The following PRSS16 variants were observed in gnomAD, a reference collection of about 807,000 sequenced individuals.
PRSS16 encodes the protein thymus-specific serine protease.
A neutral mutation model predicts 61.7 loss-of-function variants in PRSS16; 43 were observed. The observed-to-expected ratio is 0.70, with a 90% confidence interval of 0.55 to 0.90. PRSS16 has a LOEUF of 0.90. PRSS16 is among the 40% of genes least tolerant of loss of function. The probability of loss-of-function intolerance (pLI) is 0.00; values close to 1 mark genes in which losing one functional copy is unlikely to be tolerated. For synonymous variants in PRSS16, 273 were observed against 285.2 expected, an observed-to-expected ratio of 0.96 and a Z score of 0.43; for missense variants, 591 against 659.1, an observed-to-expected ratio of 0.90 and a Z score of 1.13.
chr6:27,254,519 CT>C lies in PRSS16; in HGVS notation c.1151-173del, dbSNP rs1381987224. 41 of 641,352 alleles carry C rather than the reference CT, an allele frequency of 6.4e-5. No individual in the cohort carries two copies. The East Asian group carries it at 1.1e-3, about 17-fold the overall frequency. 39.7% of individuals were successfully genotyped at this position (641,352 alleles called of 1,614,324 possible). On this transcript the variant is annotated intron_variant, in intron 9 of 11. Transcript: ENST00000230582. ...CCTTTTTCCATCACAGCCCTGATCACTGTGGGCTATCACTGTCAGGGGACTG... is the reference window on the plus strand; with the variant it reads ...CCTTTTTCCATCACAGCCCTGATCACGTGGGCTATCACTGTCAGGGGACTG...
In PRSS16 at chr6:27,251,157, G is replaced by A. The variant is rs780158403; in HGVS notation, c.669+38G>A. 9.9e-6 allele frequency: 16 copies of A among 1,613,854 alleles called. No homozygotes were observed. The African/African-American group carries it at 1.5e-4, about 15-fold the overall frequency. ...GGCAGCAGGTGCGGGACGGGGAGGG[G>A]TCCCAGCGGGCGGAGTCCCTTGACA... On this transcript the variant is annotated intron_variant, in intron 6 of 11. Coordinates refer to ENST00000230582, the MANE Select transcript of PRSS16 (RefSeq NM_005865.4). The surrounding 1 kb of genome is among the most constrained non-coding windows in gnomAD (Gnocchi z 5.6).
In PRSS16 at chr6:27,255,546, T is replaced by C; in HGVS notation, c.*231T>C. On this transcript the variant is annotated 3_prime_UTR_variant, in exon 12 of 12. Transcript: ENST00000230582. This position sits in a 1 kb window ranked among gnomAD's most constrained non-coding sequence, Gnocchi z 4.4. Reference sequence around the variant, plus strand: ...TGGATGATTATTCTCATTGTAAATATTGGTATTTTGAATGTTAAATGTCAA... The same window carrying C: ...TGGATGATTATTCTCATTGTAAATACTGGTATTTTGAATGTTAAATGTCAA... The C allele has an allele frequency of 2.1e-6, 1 of 485,098 alleles. No homozygotes were observed. The highest frequency in any genetic ancestry group is 2.6e-5 in the South Asian group (1 of 39,164). The allele number at this position is 485,098 out of a possible 1,614,324, so 30.0% of individuals were successfully genotyped here. A position where few individuals can be genotyped will look rare whatever the true frequency, so the allele number is the denominator to read the frequency against.
In PRSS16 at chr6:27,255,820, CTG is replaced by C. The variant is rs1292531321; in HGVS notation, c.*509_*510del. 6.4e-6 allele frequency: 1 copy of C among 155,554 alleles called. No homozygotes were observed. Among genetic ancestry groups the C allele is most frequent in the Non-Finnish European group, 1.4e-5 (1 of 70,362 alleles). The allele number at this position is 155,554 out of a possible 1,614,324, so 9.6% of individuals were successfully genotyped here. ...TCTCTGAATATCTTCATTTCTATCTCTGTGTTTCTGTCTATTTCTCTGTTTAT... is the reference window on the plus strand; with the variant it reads ...TCTCTGAATATCTTCATTTCTATCTCTGTTTCTGTCTATTTCTCTGTTTAT... On this transcript the variant is annotated 3_prime_UTR_variant, in exon 12 of 12. Coordinates refer to ENST00000230582, the MANE Select transcript of PRSS16 (RefSeq NM_005865.4). The surrounding 1 kb of genome is among the most constrained non-coding windows in gnomAD (Gnocchi z 4.4).
chr6:27,251,085 T>C lies in PRSS16; in HGVS notation c.635T>C (p.Val212Ala). The C allele has an allele frequency of 6.2e-7, 1 of 1,614,034 alleles. No homozygotes were observed. The highest frequency in any genetic ancestry group is 8.5e-7 in the Non-Finnish European group (1 of 1,180,030). Residue 212 changes from valine (V) to alanine (A), a missense_variant, in exon 6 of 12, where the codon GTG (valine) becomes GCG (alanine). Physicochemically the swap from Val to Ala is moderately conservative, Grantham distance 64 (BLOSUM62 0). Transcript: ENST00000230582. The surrounding 1 kb of genome is among the most constrained non-coding windows in gnomAD (Gnocchi z 5.6). ...IFASVASSAP[V>A]RAVLDFSEYN... ...GCGTCGGTCGCCTCCTCCGCCCCGG[T>C]GCGGGCCGTGCTGGATTTCTCCGAG...
chr6:27,253,016 A>G, intron 9 of PRSS16, 67 bp downstream of exon 9: 9 of 1,604,512 alleles, frequency 5.6e-6, no homozygotes, highest in Non-Finnish European at 7.7e-6. Context: ...CAGAGAAGTC[A>G]TCTTACAGGT....
Position 27,254,830 on chromosome 6 carries a change from G to A in PRSS16, c.1288G>A (p.Gly430Ser), listed in dbSNP as rs1037261619. ...TGTGGCTCAGACGAACTCCTACTAC[G>A]GTGGCCAGACCCCTGGGGCTAACAA... is the stretch of plus-strand genomic sequence containing the variant. ...QAVAQTNSYY[G>S]GQTPGANKVL... is the part of the protein sequence containing the mutation. Residue 430 changes from glycine (G) to serine (S), a missense_variant, in exon 10 of 12, where the codon GGT becomes AGT. Physicochemically the swap from Gly to Ser is moderately conservative, Grantham distance 56. Coordinates refer to ENST00000230582, the MANE Select transcript of PRSS16 (RefSeq NM_005865.4). 2.1e-5 allele frequency: 34 copies of A among 1,614,026 alleles called. No individual in the cohort carries two copies. Among genetic ancestry groups the A allele is most frequent in the African/African-American group, 1.5e-4 (11 of 74,904 alleles).
Position 27,251,022 on chromosome 6 carries a change from G to T in PRSS16, c.592-20G>T, listed in dbSNP as rs1371851562. On this transcript the variant is annotated intron_variant, in intron 5 of 11. Transcript: ENST00000230582. The surrounding 1 kb of genome is among the most constrained non-coding windows in gnomAD (Gnocchi z 5.6). The stretch of plus-strand genomic sequence containing the variant: ...ATTCCAACCCCTCAGCCCGCAGGCT[G>T]ACGGCGTCTCCTCCCTTAGTTCCCC... 1.2e-6 allele frequency: 2 copies of T among 1,613,152 alleles called. No homozygotes were observed. The highest frequency in any genetic ancestry group is 8.5e-7 in the Non-Finnish European group (1 of 1,179,926).
In PRSS16 at chr6:27,251,389, G is replaced by A. The variant is rs906001346; in HGVS notation, c.717+125G>A. The A allele has an allele frequency of 8.9e-6, 11 of 1,236,098 alleles. No homozygotes were observed. The African/African-American group carries it at 1.4e-4, about 15-fold the overall frequency. 76.6% of individuals were successfully genotyped at this position (1,236,098 alleles called of 1,614,324 possible). A position where few individuals can be genotyped will look rare whatever the true frequency, so the allele number is the denominator to read the frequency against. On this transcript the variant is annotated intron_variant, in intron 7 of 11. Transcript: ENST00000230582. The surrounding 1 kb of genome is among the most constrained non-coding windows in gnomAD (Gnocchi z 5.6). ...GGGGTCTAAGGAAGGTCGGAGCTCG[G>A]GGGAATACGCAGGTTTTGGAAGAAG...
In PRSS16 at chr6:27,256,261, T is replaced by C. The variant is rs923229618; in HGVS notation, c.*946T>C. 1 of 152,746 alleles carries C rather than the reference T, an allele frequency of 6.5e-6. No individual in the cohort carries two copies. Among genetic ancestry groups the C allele is most frequent in the South Asian group, 2.1e-4 (1 of 4,834 alleles). The allele number at this position is 152,746 out of a possible 1,614,324, so 9.5% of individuals were successfully genotyped here. On this transcript the variant is annotated 3_prime_UTR_variant, in exon 12 of 12. Coordinates refer to ENST00000230582, the MANE Select transcript of PRSS16 (RefSeq NM_005865.4). The stretch of plus-strand genomic sequence containing the variant: ...TTTCCCACAATCAAATATCACTCCC[T>C]GGTACTTCCAGCTTCCAACTCTAGG...
At position 27,255,842 on chromosome 6, in the gene PRSS16, GT is replaced by G. The variant is rs1050782111; in HGVS notation, c.*530del. The G allele has an allele frequency of 6.5e-6, 1 of 153,636 alleles. No individual in the cohort carries two copies. Among genetic ancestry groups the G allele is most frequent in the African/African-American group, 2.4e-5 (1 of 41,314 alleles). 9.5% of individuals were successfully genotyped at this position (153,636 alleles called of 1,614,324 possible). On this transcript the variant is annotated 3_prime_UTR_variant, in exon 12 of 12. Transcript: ENST00000230582. This position sits in a 1 kb window ranked among gnomAD's most constrained non-coding sequence, Gnocchi z 4.4. ...TCTCTGTGTTTCTGTCTATTTCTCT[GT>G]TTATCTTTCTGTCCTTCAATCTGTG...
At chr6:27,254,655 G>C (rs375605785) in intron 9 of PRSS16, 38 bp from the exon 10 acceptor site, 1 of 1,529,732 alleles carries the variant, frequency 6.5e-7, no homozygotes, top group Admixed American at 1.7e-5. Flanking sequence ...GTGGTGGGCT[G>C]CCTGTATACC....
rs530722681 is a variant in PRSS16 at position 27,248,951 on chromosome 6, G to A, written c.337+5G>A. On this transcript the variant is annotated splice_donor_5th_base_variant and intron_variant, in intron 3 of 11. Transcript: ENST00000230582. ...GGCCTGGCTCAGTGATGAGAGGTAA[G>A]AGGCAATGTTGGGGGAAAGGAGTTG... 6.2e-7 allele frequency: 1 copy of A among 1,602,254 alleles called. No homozygotes were observed. Among genetic ancestry groups the A allele is most frequent in the Admixed American group, 1.7e-5 (1 of 58,880 alleles).
In PRSS16 at chr6:27,251,201, T is replaced by G. The variant is rs1270411616; in HGVS notation, c.670-16T>G. The G allele has an allele frequency of 6.8e-6, 11 of 1,613,264 alleles. No individual in the cohort carries two copies. The highest frequency in any genetic ancestry group is 1.7e-5 in the Admixed American group (1 of 59,954). ...CTTGACACTTCCGGATACCTTCCTC[T>G]GCGGTCCGCCCACAGGTGGTATCCC... On this transcript the variant is annotated splice_polypyrimidine_tract_variant and intron_variant, in intron 6 of 11. Transcript: ENST00000230582. This position sits in a 1 kb window ranked among gnomAD's most constrained non-coding sequence, Gnocchi z 5.6.
In PRSS16 at chr6:27,251,946, C is replaced by T. The variant is rs1330907157; in HGVS notation, c.914C>T (p.Pro305Leu). 4 of 1,609,888 alleles carry T rather than the reference C, an allele frequency of 2.5e-6. No individual in the cohort carries two copies. In the South Asian group the frequency reaches 3.3e-5, roughly 13 times the overall value. The change falls in exon 8 of 12, where the codon CCG becomes CTG. Residue 305 changes from proline (P) to leucine (L), a missense_variant. Pro to Leu is a moderately conservative substitution (Grantham distance 98). Coordinates refer to ENST00000230582, the MANE Select transcript of PRSS16 (RefSeq NM_005865.4). The surrounding 1 kb of genome is among the most constrained non-coding windows in gnomAD (Gnocchi z 5.6). Reference sequence around the variant, plus strand: ...CAGTATGATGGGCAGACGGGAGCGCCGCTAAGCGTGCGACAGCTCTGCGGA... The same window carrying T: ...CAGTATGATGGGCAGACGGGAGCGCTGCTAAGCGTGCGACAGCTCTGCGGA... ...VVQYDGQTGA[P>L]LSVRQLCGLL...
Position 27,250,721 on chromosome 6 carries a change from G to C in PRSS16, c.506G>C (p.Arg169Pro), listed in dbSNP as rs1759860935. ...DVVSARLALSRLFNISSSSPW... is the reference protein window; with the variant it reads ...DVVSARLALSPLFNISSSSPW... ...GTCTCTGCCCGCCTGGCACTTTCCC[G>C]CCTCTTTAACATCTCCTCCTCCAGC... The change falls in exon 5 of 12, where the codon CGC (arginine) becomes CCC (proline). Residue 169 changes from arginine to proline, a missense_variant. By Grantham distance (103) the Arg-to-Pro change is moderately radical (BLOSUM62 -2). Transcript: ENST00000230582. 6.2e-7 allele frequency: 1 copy of C among 1,613,630 alleles called. No individual in the cohort carries two copies. The highest frequency in any genetic ancestry group is 8.5e-7 in the Non-Finnish European group (1 of 1,179,892).
chr6:27,249,096 A>C lies in PRSS16; in HGVS notation c.338-4A>C. On this transcript the variant is annotated splice_polypyrimidine_tract_variant and splice_region_variant and intron_variant, in intron 3 of 11. Transcript: ENST00000230582. The stretch of plus-strand genomic sequence containing the variant: ...CCCACCCCCCACCCATACACTCTTC[A>C]CAGGCCATCCCGCAGCCTTGGCCCC... The C allele has an allele frequency of 1.0e-6, 1 of 962,700 alleles. No individual in the cohort carries two copies. Among genetic ancestry groups the C allele is most frequent in the Non-Finnish European group, 1.5e-6 (1 of 673,392 alleles). The allele number at this position is 962,700 out of a possible 1,614,324, so 59.6% of individuals were successfully genotyped here. A position where few individuals can be genotyped will look rare whatever the true frequency, so the allele number is the denominator to read the frequency against.
chr6:27,253,402 C>T (rs1351620980), intron 9 of PRSS16: 3 of 384,930 alleles, frequency 7.8e-6, no homozygotes, highest in East Asian at 7.2e-5. Context: ...TCTTTCTTGC[C>T]GGGATCCCTT....
Position 27,249,144 on chromosome 6 carries a change from A to G in PRSS16, c.382A>G (p.Ser128Gly), listed in dbSNP as rs778908653. ...CCCAGCCTGGGGCGCCCTGGTGATA[A>G]GCCTGGAACACAGATTTTATGGCCT... Reference protein sequence around the residue: ...LAPAWGALVISLEHRFYGLSI... With the variant: ...LAPAWGALVIGLEHRFYGLSI... Residue 128 changes from serine to glycine, a missense_variant, in exon 4 of 12, where the codon AGC becomes GGC. By Grantham distance (56) the Ser-to-Gly change is moderately conservative. Coordinates refer to ENST00000230582, the MANE Select transcript of PRSS16 (RefSeq NM_005865.4). 6.2e-7 allele frequency: 1 copy of G among 1,605,352 alleles called. No homozygotes were observed. Among genetic ancestry groups the G allele is most frequent in the Non-Finnish European group, 8.5e-7 (1 of 1,178,530 alleles).
At position 27,254,857 on chromosome 6, in the gene PRSS16, G is replaced by T. The variant is rs1325274392; in HGVS notation, c.1315G>T (p.Val439Leu). 6.2e-7 allele frequency: 1 copy of T among 1,614,094 alleles called. No homozygotes were observed. The highest frequency in any genetic ancestry group is 8.5e-7 in the Non-Finnish European group (1 of 1,179,972). ...TGGCCAGACCCCTGGGGCTAACAAA[G>T]TGCTGTTTGTTAATGGTGAGCATGC... is the stretch of plus-strand genomic sequence containing the variant. ...YGGQTPGANKVLFVNGDTDPW... is the reference protein window; with the variant it reads ...YGGQTPGANKLLFVNGDTDPW... Residue 439 changes from valine to leucine, a missense_variant, in exon 10 of 12, where the codon GTG becomes TTG. Val to Leu is a conservative substitution (Grantham distance 32). Transcript: ENST00000230582.
Sources: gnomAD v4.1 joint callset for allele counts on GRCh38, gnomAD v4.1.1 for gene constraint, Gnocchi (gnomAD v3.1) non-coding constraint, MANE v1.5 for transcripts, NCBI Gene and HGNC (gene_info 2026-07-23, HGNC 2026-07-21) for gene names.